The following TAF1 variants were observed in gnomAD, a reference collection of about 807,000 sequenced individuals.
TAF1 encodes transcription initiation factor TFIID subunit 1.
A neutral mutation model predicts 138.5 loss-of-function variants in TAF1; 2 were observed. The ratio of observed to expected loss-of-function variants is 0.01; its 90% CI spans 0.01 to 0.05. The LOEUF is 0.05. Among genes scored for constraint, TAF1 ranks in the 10% least tolerant of loss-of-function variants. TAF1 has a pLI of 1.00. For missense variants in TAF1, 709 were observed against 1,478.0 expected, an observed-to-expected ratio of 0.48 and a Z score of 8.53; for synonymous variants, 437 against 503.2, an observed-to-expected ratio of 0.87 and a Z score of 1.76.
intron 25 of TAF1, among the ~76,000 whole-genome samples, chrX:71,403,036 CTT>C (rs1288966658): frequency 9.5e-6 from 1 of 105,428 alleles, no homozygotes; most frequent in Non-Finnish European, 2.0e-5. Context: ...TCTTTTCTTT[CTT>C]TTTTTTTTGA....
intron 13 of TAF1, among the ~76,000 whole-genome samples, chrX:71,517,213 G>A (rs2039840991): frequency 9.0e-6 from 1 of 111,453 alleles, no homozygotes; most frequent in South Asian, 3.7e-4. Context: ...GGGAGGAAAG[G>A]TGGGATGGTT....
At chrX:71,474,568 G>A (rs956708749) in intron 13 of TAF1, among the ~76,000 whole-genome samples, 1 of 111,909 alleles carries the variant, frequency 8.9e-6, no homozygotes, top group Admixed American at 9.6e-5. Flanking sequence ...TAAATATAGT[G>A]TACCCACCAT....
At chrX:71,515,001 C>T (rs186591130) in intron 13 of TAF1, among the ~76,000 whole-genome samples, 1 of 111,816 alleles carries the variant, frequency 8.9e-6, no homozygotes, top group East Asian at 2.8e-4. Context: ...TATGGAGGGC[C>T]TTGTGCACTA....
chrX:71,450,477 A>G (rs1298379131), intron 32 of TAF1, among the ~76,000 whole-genome samples: 1 of 112,513 alleles, frequency 8.9e-6, no homozygotes, highest in Non-Finnish European at 1.9e-5. Context: ...TACTGAGATT[A>G]CAGGCTTGAG....
intron 32 of TAF1, among the ~76,000 whole-genome samples, chrX:71,445,679 A>G (rs944456052): frequency 1.2e-4 from 13 of 111,765 alleles, no homozygotes; most frequent in African/African-American, 2.9e-4. Flanking sequence ...GGGCTTGTCT[A>G]TATGTACAAA....
At position 71,503,346 on chromosome X, in the gene TAF1, GTA is replaced by G. The variant is rs1177943296; in HGVS notation, c.1367-25181_1367-25180del. On this transcript the variant is annotated intron_variant and NMD_transcript_variant, in intron 13 of 14. Transcript: ENST00000373775. ...TGTGTGTGTATATATATATATATGT[GTA>G]TATATATATATATACACACACATTT... 7.2e-3 allele frequency among the ~76,000 whole-genome samples: 656 copies of G among 91,662 alleles called. 8 individuals are homozygous for G. The highest frequency in any genetic ancestry group is 0.015 in the African/African-American group (374 of 24,186). 79.6% of individuals were successfully genotyped at this position (91,662 alleles called of 115,157 possible). A position where few individuals can be genotyped will look rare whatever the true frequency, so the allele number is the denominator to read the frequency against.
intron 32 of TAF1, among the ~76,000 whole-genome samples, chrX:71,430,297 C>T (rs933972799): frequency 2.9e-5 from 3 of 102,723 alleles, no homozygotes; most frequent in East Asian, 3.3e-4. Flanking sequence ...AGGACAATGG[C>T]GGGAGGAACC....
chrX:71,405,974 GT>G (rs769067948), intron 25 of TAF1, among the ~76,000 whole-genome samples: 1 of 111,841 alleles, frequency 8.9e-6, no homozygotes, highest in South Asian at 3.7e-4. Flanking sequence ...TTTGTTTTCT[GT>G]TTTCAAACCA....
intron 37 of TAF1, 155 bp downstream of exon 37, chrX:71,460,958 A>G: frequency 1.4e-6 from 1 of 722,891 alleles, no homozygotes; most frequent in South Asian, 2.6e-5. Context: ...ACAGAGGAGC[A>G]AAACATATCC....
intron 35 of TAF1, chrX:71,459,194 A>G (rs748962185): frequency 9.2e-7 from 1 of 1,090,716 alleles, no homozygotes; most frequent in Admixed American, 2.4e-5. Context: ...ACTCTGATGT[A>G]GATATTGAAG....
chrX:71,458,837 A>G (rs2038419516), intron 35 of TAF1, among the ~76,000 whole-genome samples: 1 of 111,924 alleles, frequency 8.9e-6, no homozygotes, highest in South Asian at 3.7e-4. Context: ...TGTAAAACCC[A>G]GGAGGGTTTT....
At chrX:71,486,009 G>A (rs1056020938) in intron 13 of TAF1, among the ~76,000 whole-genome samples, 8 of 108,533 alleles carry the variant, frequency 7.4e-5, no homozygotes, top group Non-Finnish European at 1.3e-4. Context: ...AGAATCTTGC[G>A]TTGTCACCCA....
chrX:71,490,958 C>T (rs5936627), intron 13 of TAF1: 4 of 109,047 alleles, frequency 3.7e-5, no homozygotes, highest in Non-Finnish European at 7.6e-5. Context: ...CTCAAGTGAT[C>T]TGCCTGCCTC....
chrX:71,513,991 A>C (rs1226639492), intron 13 of TAF1, among the ~76,000 whole-genome samples: 1 of 111,850 alleles, frequency 8.9e-6, no homozygotes, highest in Non-Finnish European at 1.9e-5. Flanking sequence ...GGCCACACCC[A>C]GCCAGCAGCA....
chrX:71,404,885 A>G (rs1402445309), intron 25 of TAF1, among the ~76,000 whole-genome samples: 2 of 110,071 alleles, frequency 1.8e-5, no homozygotes, highest in East Asian at 5.6e-4. Context: ...AGTAGGTTCA[A>G]GATGGTTTTT....
rs1304661451 is a variant in TAF1 at position 71,378,800 on chromosome X, G to GT, written c.1153-18dup. On this transcript the variant is annotated intron_variant, in intron 7 of 37. Coordinates refer to ENST00000423759, the MANE Select transcript of TAF1 (RefSeq NM_004606.5). ...TTGACCAGTGACCAATCAAGGATGT[G>GT]TTTTTTCTTCCCTACTTACACAGGA... 4 of 1,202,861 alleles carry GT rather than the reference G, an allele frequency of 3.3e-6. No individual in the cohort carries two copies. In the African/African-American group the frequency reaches 5.2e-5, roughly 16 times the overall value.
intron 13 of TAF1, among the ~76,000 whole-genome samples, chrX:71,487,022 A>G (rs1226000994): frequency 1.9e-5 from 2 of 105,901 alleles, no homozygotes; most frequent in Non-Finnish European, 3.9e-5. Context: ...AATTTTCTTC[A>G]TAATTACTGT....
intron 32 of TAF1, among the ~76,000 whole-genome samples, chrX:71,443,179 T>G (rs1387179669): frequency 8.9e-6 from 1 of 111,890 alleles, no homozygotes; most frequent in Admixed American, 9.5e-5. Flanking sequence ...TCGAAGTAGT[T>G]TTTTCCAATT....
intron 32 of TAF1, among the ~76,000 whole-genome samples, chrX:71,453,206 TAC>T (rs1429368844): frequency 1.8e-5 from 2 of 111,330 alleles, no homozygotes; most frequent in Non-Finnish European, 3.8e-5. Context: ...GAGCAGAAGT[TAC>T]AGAGAGTTCC....
Sources: allele counts gnomAD v4.1 joint callset (sites outside exome capture counted in the v4.1 genomes callset), GRCh38; gene constraint gnomAD v4.1.1; transcripts MANE v1.5; gene names NCBI Gene and HGNC (gene_info 2026-07-23, HGNC 2026-07-21).